Variants in ARIH2 observed in about 807,000 individuals in gnomAD.
The protein encoded by ARIH2 is E3 ubiquitin-protein ligase ARIH2.
Under a neutral mutation model 79.8 loss-of-function variants are expected in ARIH2, and 12 were observed. The observed-to-expected ratio is 0.15, with a 90% CI of 0.10 to 0.24. ARIH2 has a LOEUF of 0.24. Among genes scored for constraint, ARIH2 ranks in the 10% least tolerant of loss-of-function variants. The probability of loss-of-function intolerance (pLI) is 1.00; values close to 1 mark genes in which losing one functional copy is unlikely to be tolerated. For synonymous variants in ARIH2, 224 were observed against 213.9 expected, an observed-to-expected ratio of 1.05 and a Z score of -0.41; for missense variants, 301 against 618.3, an observed-to-expected ratio of 0.49 and a Z score of 5.44.
intron 5 of ARIH2, among the ~76,000 whole-genome samples, chr3:48,966,570 T>C (rs1328407487): frequency 6.6e-6 from 1 of 152,206 alleles, no homozygotes; most frequent in African/African-American, 2.4e-5. Flanking sequence ...GGATGAGTTG[T>C]AACTTGGTAA....
At chr3:48,980,738 A>G (rs1235271410) in intron 13 of ARIH2, among the ~76,000 whole-genome samples, 2 of 151,946 alleles carry the variant, frequency 1.3e-5, no homozygotes, top group Non-Finnish European at 2.9e-5. Context: ...AAACTAGAGC[A>G]CTTTTCTTCT....
chr3:48,963,865 A>C (rs2091520056), intron 4 of ARIH2, among the ~76,000 whole-genome samples: 1 of 151,998 alleles, frequency 6.6e-6, no homozygotes, highest in Non-Finnish European at 1.5e-5. Flanking sequence ...TCCTCCTTTG[A>C]AATGCCTGTT....
intron 3 of ARIH2, among the ~76,000 whole-genome samples, chr3:48,930,590 C>T (rs773680916): frequency 6.6e-6 from 1 of 152,162 alleles, no homozygotes; most frequent in African/African-American, 2.4e-5. Context: ...CCAAATTCCT[C>T]TACAAGCATG....
At chr3:48,970,747 C>G (rs1247447354) in intron 8 of ARIH2, 43 bp downstream of exon 8, 2 of 1,479,186 alleles carry the variant, frequency 1.4e-6, no homozygotes, top group East Asian at 2.3e-5. Context: ...GGCTCATGCC[C>G]CATCCTCCAA....
intron 3 of ARIH2, among the ~76,000 whole-genome samples, chr3:48,953,488 C>T (rs1227908611): frequency 6.6e-6 from 1 of 152,114 alleles, no homozygotes; most frequent in Admixed American, 6.5e-5. Context: ...ACTGCAAGCT[C>T]CGCCTCCCGG....
At chr3:48,952,934 A>C (rs1269674525) in intron 3 of ARIH2, among the ~76,000 whole-genome samples, 1 of 147,046 alleles carries the variant, frequency 6.8e-6, no homozygotes, top group Non-Finnish European at 1.5e-5. Context: ...ACTGTCAGCA[A>C]TTTTTTTTTT....
At chr3:48,932,727 T>C (rs1487113549) in intron 3 of ARIH2, among the ~76,000 whole-genome samples, 1 of 152,130 alleles carries the variant, frequency 6.6e-6, no homozygotes, top group East Asian at 1.9e-4. Flanking sequence ...CTTAGCATCA[T>C]GTTAGGGGTG....
intron 13 of ARIH2, among the ~76,000 whole-genome samples, chr3:48,981,016 CAAAAAAAAAAAAA>C (rs34533467): frequency 3.0e-4 from 9 of 30,140 alleles, no homozygotes; most frequent in South Asian, 2.4e-3. Context: ...GCAAGACTGT[CAAAAAAAAAAAAA>C]AAAAAAAAAA....
At chr3:48,932,284 A>G (rs1277220914) in intron 3 of ARIH2, among the ~76,000 whole-genome samples, 1 of 152,212 alleles carries the variant, frequency 6.6e-6, no homozygotes, top group Non-Finnish European at 1.5e-5. Context: ...CACAAATCAC[A>G]AATGGAATAG....
At position 48,972,643 on chromosome 3, in the gene ARIH2, T is replaced by A. The variant is rs548747237; in HGVS notation, c.771-1056T>A. On this transcript the variant is annotated intron_variant, in intron 8 of 15. Transcript: ENST00000356401. ...TGGGTGACAAGAGCGAAACTCCATT[T>A]CAGAAAAAAAATTGTAGAGACAGGG... Among the ~76,000 whole-genome samples, 6 of 152,000 alleles carry A rather than the reference T, an allele frequency of 3.9e-5. No homozygotes were observed. The East Asian group carries it at 9.7e-4, about 25-fold the overall frequency.
At chr3:48,954,218 G>A (rs1269188186) in intron 3 of ARIH2, among the ~76,000 whole-genome samples, 1 of 151,966 alleles carries the variant, frequency 6.6e-6, no homozygotes, top group Non-Finnish European at 1.5e-5. Flanking sequence ...CACTTTGGGA[G>A]GCCGAGGCAG....
intron 2 of ARIH2, among the ~76,000 whole-genome samples, chr3:48,926,259 GTGTGTGTA>G (rs770925031): frequency 6.6e-6 from 1 of 151,940 alleles, no homozygotes; most frequent in Admixed American, 6.6e-5. Context: ...GTGTGTGTGT[GTGTGTGTA>G]TGTGTGTACG....
At chr3:48,976,571 C>A (rs867926971) in intron 11 of ARIH2, among the ~76,000 whole-genome samples, 2 of 152,156 alleles carry the variant, frequency 1.3e-5, no homozygotes, top group South Asian at 2.1e-4. Flanking sequence ...ATTGACTCTG[C>A]AGTGCCAAAC....
intron 4 of ARIH2, among the ~76,000 whole-genome samples, chr3:48,963,225 C>G (rs766836443): frequency 1.3e-5 from 2 of 152,164 alleles, no homozygotes; most frequent in Non-Finnish European, 2.9e-5. Context: ...GATGGAATTG[C>G]AGATGAACTG....
At chr3:48,969,605 A>G (rs985136929) in intron 7 of ARIH2, among the ~76,000 whole-genome samples, 1 of 150,760 alleles carries the variant, frequency 6.6e-6, no homozygotes, top group African/African-American at 2.4e-5. Flanking sequence ...CTCCCACCTT[A>G]GCCTCCCGAG....
At chr3:48,979,187 A>T (rs1463983550) in intron 11 of ARIH2, among the ~76,000 whole-genome samples, 1 of 152,158 alleles carries the variant, frequency 6.6e-6, no homozygotes, top group Non-Finnish European at 1.5e-5. Flanking sequence ...ATAGCAGACC[A>T]GTAGTCTGTA....
rs995260483 is a variant in ARIH2, at chr3:48,972,331, T to A, written c.771-1368T>A. Among the ~76,000 whole-genome samples the A allele has an allele frequency of 7.9e-5, 12 of 152,326 alleles. No individual in the cohort carries two copies. In the East Asian group the frequency reaches 1.5e-3, roughly 20 times the overall value. ...ACTACAGATGCCCAGCTAATTTTTT[T>A]AAATTTGTTGTAGGGGCCAAGTGTG... On this transcript the variant is annotated intron_variant, in intron 8 of 15. Coordinates refer to ENST00000356401, the MANE Select transcript of ARIH2 (RefSeq NM_006321.4).
chr3:48,931,043 T>C (rs529575241), intron 3 of ARIH2, among the ~76,000 whole-genome samples: 17 of 152,300 alleles, frequency 1.1e-4, no homozygotes, highest in Admixed American at 7.2e-4. Flanking sequence ...ATTAAGCCTT[T>C]TACTGCCATT....
chr3:48,970,185 C>T (rs2092120075), intron 7 of ARIH2, among the ~76,000 whole-genome samples: 1 of 51,040 alleles, frequency 2.0e-5, no homozygotes, highest in Non-Finnish European at 3.2e-5. Context: ...AGCCACCGCG[C>T]CCGGCCTTGT....
Sources: allele counts gnomAD v4.1 joint callset (sites outside exome capture counted in the v4.1 genomes callset), GRCh38; gene constraint gnomAD v4.1.1; transcripts MANE v1.5; gene names NCBI Gene and HGNC (gene_info 2026-07-23, HGNC 2026-07-21).